Variants in TREML4 observed in about 807,000 individuals in gnomAD.
TREML4 encodes the protein trem-like transcript 4 protein.
Under a neutral mutation model 25.4 loss-of-function variants are expected in TREML4, and 25 were observed. The ratio of observed to expected loss-of-function variants is 0.98; its 90% CI spans 0.72 to 1.37. TREML4 has a LOEUF of 1.37. Among genes scored for constraint, TREML4 ranks in the 40% most tolerant of loss-of-function variants. The probability of loss-of-function intolerance (pLI) is 0.00; values close to 1 mark genes in which losing one functional copy is unlikely to be tolerated. For missense variants in TREML4, 268 were observed against 236.5 expected, an observed-to-expected ratio of 1.13 and a Z score of -0.87; for synonymous variants, 92 against 87.9, an observed-to-expected ratio of 1.05 and a Z score of -0.26.
At chr6:41,229,644 GGGGAAACCA>G in intron 3 of TREML4, 73 bp downstream of exon 3, 1 of 1,521,138 alleles carries the variant, frequency 6.6e-7, no homozygotes, top group Non-Finnish European at 9.1e-7. Flanking sequence ...ATTCAGGGAA[GGGGAAACCA>G]GGGAGGCCTG....
intron 2 of TREML4, 81 bp downstream of exon 2, chr6:41,229,125 T>C: frequency 8.0e-7 from 1 of 1,256,946 alleles, no homozygotes. Flanking sequence ...CTCCCATGCC[T>C]CTATCATCCC....
Position 41,237,905 on chromosome 6 carries a change from G to T in TREML4, c.*886G>T, listed in dbSNP as rs1419094696. ...TAACAATAAATGATGGTGGGTGAAA[G>T]ATAAATGTTTTAGGGAACAGAAGAG... On this transcript the variant is annotated 3_prime_UTR_variant, in exon 6 of 6. Coordinates refer to ENST00000341495, the MANE Select transcript of TREML4 (RefSeq NM_198153.3). The T allele has an allele frequency of 6.6e-6, 1 of 152,194 alleles. No homozygotes were observed. Among genetic ancestry groups the T allele is most frequent in the African/African-American group, 2.4e-5 (1 of 41,442 alleles). The allele number at this position is 152,194 out of a possible 1,614,324, so 9.4% of individuals were successfully genotyped here.
chr6:41,229,475 C>A, intron 2 of TREML4, 46 bp from the exon 3 acceptor site: 1 of 1,608,864 alleles, frequency 6.2e-7, no homozygotes, highest in South Asian at 1.1e-5. Flanking sequence ...ACCCTACTCT[C>A]TTCTGGGCCC....
chr6:41,233,625 CA>C (rs34375289), intron 4 of TREML4, among the ~76,000 whole-genome samples: 51,284 of 151,674 alleles, frequency 0.34, 8,642 homozygotes, highest in Middle Eastern at 0.43. Flanking sequence ...ATCAGAAATG[CA>C]AGGAGAAATA....
intron 2 of TREML4, 72 bp downstream of exon 2, chr6:41,229,116 T>G: frequency 7.6e-7 from 1 of 1,310,964 alleles, no homozygotes; most frequent in African/African-American, 1.5e-5. Flanking sequence ...ATGCACCCCC[T>G]CCCATGCCTC....
chr6:41,236,592 G>A lies in TREML4; in HGVS notation c.*10G>A. 2 of 1,609,626 alleles carry A rather than the reference G, an allele frequency of 1.2e-6. No homozygotes were observed. Among genetic ancestry groups the A allele is most frequent in the South Asian group, 2.2e-5 (2 of 90,978 alleles). Reference sequence around the variant, plus strand: ...GGGCCTGATGTTGTGAGTCCTGTTAGTGCTCCTGATCTGCAGGTGCCACAG... The same window carrying A: ...GGGCCTGATGTTGTGAGTCCTGTTAATGCTCCTGATCTGCAGGTGCCACAG... On this transcript the variant is annotated 3_prime_UTR_variant, in exon 5 of 6. Coordinates refer to ENST00000341495, the MANE Select transcript of TREML4 (RefSeq NM_198153.3).
Position 41,229,140 on chromosome 6 carries a change from C to T in TREML4, c.394+96C>T, listed in dbSNP as rs1259608212. 4 of 1,128,004 alleles carry T rather than the reference C, an allele frequency of 3.5e-6. No individual in the cohort carries two copies. In the African/African-American group the frequency reaches 6.2e-5, roughly 17 times the overall value. 69.9% of individuals were successfully genotyped at this position (1,128,004 alleles called of 1,614,324 possible). A position where few individuals can be genotyped will look rare whatever the true frequency, so the allele number is the denominator to read the frequency against. On this transcript the variant is annotated intron_variant, in intron 2 of 5. Coordinates refer to ENST00000341495, the MANE Select transcript of TREML4 (RefSeq NM_198153.3). ...CTCCCATGCCTCTATCATCCCCCAT[C>T]CTGCCAGGTATTCTGCTGTGGTCCA...
chr6:41,234,203 A>G (rs1766856554), intron 4 of TREML4, among the ~76,000 whole-genome samples: 1 of 152,058 alleles, frequency 6.6e-6, no homozygotes, highest in Non-Finnish European at 1.5e-5. Flanking sequence ...AGCACTTTTC[A>G]AACTATTTAC....
intron 4 of TREML4, 36 bp from the exon 5 acceptor site, chr6:41,236,450 C>T: frequency 6.3e-7 from 1 of 1,594,494 alleles, no homozygotes. Flanking sequence ...GACATCCTGG[C>T]CCAAGTCCAT....
At chr6:41,231,169 C>G (rs763170351) in intron 4 of TREML4, 26 of 383,316 alleles carry the variant, frequency 6.8e-5, no homozygotes, top group Non-Finnish European at 1.3e-4. Flanking sequence ...TATATTACAA[C>G]ATGATAATAA....
chr6:41,236,712 G>A, intron 5 of TREML4, 95 bp downstream of exon 5: 2 of 677,612 alleles, frequency 3.0e-6, no homozygotes, highest in Admixed American at 2.8e-5. Context: ...GGTCACAGAG[G>A]CAGGAAAAAT....
Position 41,228,352 on chromosome 6 carries a change from C to A in TREML4, c.-76C>A. On this transcript the variant is annotated 5_prime_UTR_variant, in exon 1 of 6. Coordinates refer to ENST00000341495, the MANE Select transcript of TREML4 (RefSeq NM_198153.3). ...ACTGGGAACCTGGGGCAGAATCAGACCCAGCGTCTGACTCCTCCTGAGAGG... is the reference window on the plus strand; with the variant it reads ...ACTGGGAACCTGGGGCAGAATCAGAACCAGCGTCTGACTCCTCCTGAGAGG... 1.1e-6 allele frequency: 1 copy of A among 941,772 alleles called. No homozygotes were observed. Among genetic ancestry groups the A allele is most frequent in the Non-Finnish European group, 1.5e-6 (1 of 660,854 alleles). 58.3% of individuals were successfully genotyped at this position (941,772 alleles called of 1,614,324 possible). A position where few individuals can be genotyped will look rare whatever the true frequency, so the allele number is the denominator to read the frequency against.
rs13200807 is a variant in TREML4, at chr6:41,237,067, G to A, written c.*48G>A. Reference sequence around the variant, plus strand: ...TGCCCCATCTCAGGACAGCAGTGACGAGGTTTCTGATTGTCCCAGCACAGC... The same window carrying A: ...TGCCCCATCTCAGGACAGCAGTGACAAGGTTTCTGATTGTCCCAGCACAGC... On this transcript the variant is annotated 3_prime_UTR_variant, in exon 6 of 6. Transcript: ENST00000341495. 0.34 allele frequency: 52,282 copies of A among 154,996 alleles called. 8,836 individuals are homozygous for A. Among genetic ancestry groups the A allele is most frequent in the Middle Eastern group, 0.44 (134 of 306 alleles). The allele number at this position is 154,996 out of a possible 1,614,324, so 9.6% of individuals were successfully genotyped here.
chr6:41,229,080 C>T, intron 2 of TREML4, 36 bp downstream of exon 2: 2 of 1,547,376 alleles, frequency 1.3e-6, no homozygotes, highest in East Asian at 2.2e-5. Context: ...CTCTGTGCCA[C>T]CCCCCAGGGA....
intron 4 of TREML4, among the ~76,000 whole-genome samples, chr6:41,234,672 C>T (rs1007952591): frequency 6.6e-6 from 1 of 151,732 alleles, no homozygotes; most frequent in African/African-American, 2.4e-5. Context: ...CTAAGATTAA[C>T]ACAAGAAGAA....
At chr6:41,236,258 C>T (rs1050716467) in intron 4 of TREML4, among the ~76,000 whole-genome samples, 5 of 152,172 alleles carry the variant, frequency 3.3e-5, no homozygotes, top group Non-Finnish European at 7.4e-5. Flanking sequence ...TTGTTCTTCC[C>T]CTGGCCAGCT....
chr6:41,236,312 C>T (rs1032624431), intron 4 of TREML4, among the ~76,000 whole-genome samples, 174 bp from the exon 5 acceptor site: 1 of 152,180 alleles, frequency 6.6e-6, no homozygotes, highest in Non-Finnish European at 1.5e-5. Flanking sequence ...GACTAGGTCC[C>T]CTCTCAGTCC....
rs1554143178 is a variant in TREML4 at position 41,234,532 on chromosome 6, A to AAGC, written c.507-1953_507-1952insGCA. Among the ~76,000 whole-genome samples, 309 of 151,546 alleles carry AAGC rather than the reference A, an allele frequency of 2.0e-3. 2 individuals are homozygous for AAGC. The highest frequency in any genetic ancestry group is 7.0e-3 in the African/African-American group (288 of 41,302). The stretch of plus-strand genomic sequence containing the variant: ...GTCAAGACAAAAGAAGATAATAAAT[A>AAGC]AACAAATCAAAGAAAAAGAAGAAAA... On this transcript the variant is annotated intron_variant, in intron 4 of 5. Transcript: ENST00000341495.
At chr6:41,232,114 T>G (rs1766811887) in intron 4 of TREML4, among the ~76,000 whole-genome samples, 1 of 152,214 alleles carries the variant, frequency 6.6e-6, no homozygotes, top group Non-Finnish European at 1.5e-5. Context: ...ATTTCTAAAG[T>G]ACTAAAGAAA....
Sources: allele counts gnomAD v4.1 joint callset (sites outside exome capture counted in the v4.1 genomes callset), GRCh38; gene constraint gnomAD v4.1.1; transcripts MANE v1.5; gene names NCBI Gene and HGNC (gene_info 2026-07-23, HGNC 2026-07-21).